Variants in PLK2 observed in about 807,000 individuals in gnomAD.
PLK2 encodes the protein polo like kinase 2, also known as serine/threonine-protein kinase PLK2.
Under a neutral mutation model 78.1 loss-of-function variants are expected in PLK2, and 25 were observed. The ratio of observed to expected loss-of-function variants is 0.32; its 90% confidence interval spans 0.23 to 0.45. The LOEUF (loss-of-function observed/expected upper bound fraction) is 0.45. PLK2 is among the 20% of genes least tolerant of loss of function. The pLI is 1.00. For missense variants in PLK2, 566 were observed against 840.2 expected, an observed-to-expected ratio of 0.67 and a Z score of 4.04; for synonymous variants, 332 against 298.2, an observed-to-expected ratio of 1.11 and a Z score of -1.17.
Position 58,459,900 on chromosome 5 carries a change from C to G in PLK2, c.60G>C (p.Gln20His), listed in dbSNP as rs763087072. The G allele has an allele frequency of 3.1e-6, 5 of 1,612,272 alleles. No homozygotes were observed. The highest frequency in any genetic ancestry group is 4.2e-6 in the Non-Finnish European group (5 of 1,179,716). The change falls in exon 1 of 14, where the codon CAG (glutamine) becomes CAC (histidine). Residue 20 changes from glutamine to histidine, a missense_variant. Physicochemically the swap from Gln to His is conservative, Grantham distance 24. Coordinates refer to ENST00000274289, the MANE Select transcript of PLK2 (RefSeq NM_006622.4). ...CCGCTCCGCAACCCTTGCCCAGCGCCTGCTCGCACATTTTGGTGCTGGCGG... is the reference window on the plus strand; with the variant it reads ...CCGCTCCGCAACCCTTGCCCAGCGCGTGCTCGCACATTTTGGTGCTGGCGG... ...QPAASTKMCE[Q>H]ALGKGCGADS...
intron 5 of PLK2, chr5:58,457,828 A>T (rs1013081694): frequency 1.0e-5 from 6 of 589,494 alleles, no homozygotes; most frequent in Non-Finnish European, 1.5e-5. Flanking sequence ...TTGTTAACCA[A>T]CTAAAGCCAG....
chr5:58,458,189 C>G lies in PLK2; in HGVS notation c.626-18G>C. 6.5e-7 allele frequency: 1 copy of G among 1,538,066 alleles called. No individual in the cohort carries two copies. The highest frequency in any genetic ancestry group is 1.1e-5 in the South Asian group (1 of 89,710). On this transcript the variant is annotated intron_variant, in intron 4 of 13. Coordinates refer to ENST00000274289, the MANE Select transcript of PLK2 (RefSeq NM_006622.4). ...AAAGTTCCCTAGACGATAAACAAAA[C>G]AAAATGTGAATCCCTTTGAAAATGC... is the stretch of plus-strand genomic sequence containing the variant.
At chr5:58,456,199 T>G in intron 9 of PLK2, 44 bp from the exon 10 acceptor site, 1 of 1,580,500 alleles carries the variant, frequency 6.3e-7, no homozygotes, top group Admixed American at 1.8e-5. Flanking sequence ...GCATCTAAAT[T>G]CATTTAAGGG....
Position 58,457,209 on chromosome 5 carries a change from T to G in PLK2, c.980A>C (p.Asp327Ala). ...CAAAAAAAAGTCATGTCGAATGATG[T>G]CATCCAAACTGGGACGATCCTCTGG... Reference protein sequence around the residue: ...KNPEDRPSLDDIIRHDFFLQG... With the variant: ...KNPEDRPSLDAIIRHDFFLQG... The change falls in exon 7 of 14, where the codon GAC (aspartate) becomes GCC (alanine). Residue 327 changes from aspartate to alanine, a missense_variant. Around this residue, in one of 5 missense-constraint regions of PLK2, gnomAD observed 179 missense variants for 342.3 expected, o/e 0.52. Coordinates refer to ENST00000274289, the MANE Select transcript of PLK2 (RefSeq NM_006622.4). The G allele has an allele frequency of 1.2e-6, 2 of 1,614,122 alleles. No homozygotes were observed. The highest frequency in any genetic ancestry group is 1.7e-6 in the Non-Finnish European group (2 of 1,180,014).
In PLK2 at chr5:58,458,432, C is replaced by T. The variant is rs1743667126; in HGVS notation, c.592G>A (p.Glu198Lys). Residue 198 changes from glutamate (E) to lysine (K), a missense_variant, in exon 4 of 14, where the codon GAA becomes AAA. Coordinates refer to ENST00000274289, the MANE Select transcript of PLK2 (RefSeq NM_006622.4). ...QIVSGLKYLHEQEILHRDLKL... is the reference protein window; with the variant it reads ...QIVSGLKYLHKQEILHRDLKL... ...AGATCTCTGTGCAAGATTTCTTGTT[C>T]ATGAAGGTATTTCAGTCCAGACACA... 1 of 1,613,828 alleles carries T rather than the reference C, an allele frequency of 6.2e-7. No individual in the cohort carries two copies. Among genetic ancestry groups the T allele is most frequent in the African/African-American group, 1.3e-5 (1 of 74,928 alleles).
Position 58,459,047 on chromosome 5 carries a change from T to C in PLK2, c.316A>G (p.Lys106Glu). Residue 106 changes from lysine (K) to glutamate (E), a missense_variant, in exon 2 of 14, where the codon AAA becomes GAA. Lys to Glu is a moderately conservative substitution (Grantham distance 56, BLOSUM62 1). Transcript: ENST00000274289. The stretch of plus-strand genomic sequence containing the variant: ...GGAATAATTTTTGCGGCGTAGACTT[T>C]GTTATTTGTCAAATCTGTCATCTCG... ...CYEMTDLTNN[K>E]VYAAKIIPHS... 6.2e-7 allele frequency: 1 copy of C among 1,613,234 alleles called. No homozygotes were observed. The highest frequency in any genetic ancestry group is 8.5e-7 in the Non-Finnish European group (1 of 1,179,182).
chr5:58,459,813 C>A lies in PLK2; in HGVS notation c.147G>T (p.Ala49=), dbSNP rs372182350. The A allele has an allele frequency of 6.2e-7, 1 of 1,609,346 alleles. No homozygotes were observed. The highest frequency in any genetic ancestry group is 8.5e-7 in the Non-Finnish European group (1 of 1,179,846). Reference sequence around the variant, plus strand: ...GGTGAGGGGCCGCCGGGGGCACTTGCGCCTGGGACTGAGGTGGCTGCGATT... The same window carrying A: ...GGTGAGGGGCCGCCGGGGGCACTTGAGCCTGGGACTGAGGTGGCTGCGATT... The part of the protein sequence containing the change: ...PEESQPPQSQ[A]QVPPAAPHHH... The change falls in exon 1 of 14, where the codon GCG becomes GCT. Residue 49 remains alanine, a synonymous_variant. Transcript: ENST00000274289.
intron 10 of PLK2, 87 bp from the exon 11 acceptor site, chr5:58,455,866 T>A: frequency 6.5e-7 from 1 of 1,530,902 alleles, no homozygotes; most frequent in Non-Finnish European, 8.9e-7. Flanking sequence ...TTTCACTCCA[T>A]TAATTCGAAA....
chr5:58,458,140 T>A lies in PLK2; in HGVS notation c.657A>T (p.Leu219=). The A allele has an allele frequency of 6.2e-7, 1 of 1,613,234 alleles. No homozygotes were observed. Among genetic ancestry groups the A allele is most frequent in the Non-Finnish European group, 8.5e-7 (1 of 1,179,230 alleles). ...GNFFINEAME[L]KVGDFGLAAR... The stretch of plus-strand genomic sequence containing the variant: ...CTGCCAGACCGAAGTCCCCAACTTT[T>A]AGTTCCATGGCTTCATTAATAAAAA... The change falls in exon 5 of 14, where the codon CTA becomes CTT. Residue 219 remains leucine, a synonymous_variant. Coordinates refer to ENST00000274289, the MANE Select transcript of PLK2 (RefSeq NM_006622.4).
At position 58,459,804 on chromosome 5, in the gene PLK2, G is replaced by A; in HGVS notation, c.156C>T (p.Pro52=). The change falls in exon 1 of 14, where the codon CCC becomes CCT. Residue 52 remains proline (P), a synonymous_variant. Transcript: ENST00000274289. ...GGTGATGGTGGTGAGGGGCCGCCGG[G>A]GGCACTTGCGCCTGGGACTGAGGTG... The part of the protein sequence containing the change: ...SQPPQSQAQV[P]PAAPHHHHHH... 1 of 1,609,144 alleles carries A rather than the reference G, an allele frequency of 6.2e-7. No homozygotes were observed.
chr5:58,456,620 T>C, intron 8 of PLK2, 31 bp from the exon 9 acceptor site: 1 of 1,294,608 alleles, frequency 7.7e-7, no homozygotes. Flanking sequence ...TTACAAACAT[T>C]AGTCTATCTT....
At position 58,457,102 on chromosome 5, in the gene PLK2, A is replaced by G. The variant is rs1743626842; in HGVS notation, c.1009-10T>C. 1.9e-6 allele frequency: 3 copies of G among 1,611,682 alleles called. No homozygotes were observed. The highest frequency in any genetic ancestry group is 1.3e-5 in the African/African-American group (1 of 74,618). On this transcript the variant is annotated splice_polypyrimidine_tract_variant and intron_variant, in intron 7 of 13. Transcript: ENST00000274289. ...TGTCCGGAGTGAAGCCCTGTGGAAT[A>G]TTAGAAAAAGCCTTCAGTAACCTGT...
In PLK2 at chr5:58,456,502, CTG is replaced by C. The variant is rs746881525; in HGVS notation, c.1242_1243del (p.His414GlnfsTer4). The C allele has an allele frequency of 6.2e-7, 1 of 1,602,584 alleles. No homozygotes were observed. Among genetic ancestry groups the C allele is most frequent in the Non-Finnish European group, 8.5e-7 (1 of 1,169,896 alleles). ...TCTTTCCCAACACACCTCATCTGTCCTGTGTTTGCTGGGTTGCTGAGTTATTG... is the reference window on the plus strand; with the variant it reads ...TCTTTCCCAACACACCTCATCTGTCCTGTTTGCTGGGTTGCTGAGTTATTG... On this transcript the variant is annotated frameshift_variant, in exon 9 of 14. Transcript: ENST00000274289. LOFTEE classifies it high-confidence loss of function.
rs201565227 is a variant in PLK2 at position 58,454,562 on chromosome 5, A to G, written c.*21T>C. On this transcript the variant is annotated 3_prime_UTR_variant, in exon 14 of 14. Coordinates refer to ENST00000274289, the MANE Select transcript of PLK2 (RefSeq NM_006622.4). ...TCACAGTGGAAAAGAGGAGTCCCAT[A>G]GGGTCCATTCGAAAAGTCTTTCAGT... The G allele has an allele frequency of 3.6e-5, 56 of 1,552,488 alleles. No homozygotes were observed. The East Asian group carries it at 1.2e-3, about 32-fold the overall frequency.
intron 13 of PLK2, 56 bp downstream of exon 13, chr5:58,454,855 G>T: frequency 6.8e-7 from 1 of 1,462,522 alleles, no homozygotes; most frequent in Non-Finnish European, 9.6e-7. Flanking sequence ...AACTGTCTAG[G>T]TACAAATCTT....
rs747430742 is a variant in PLK2 at position 58,454,981 on chromosome 5, C to T, written c.1796G>A (p.Arg599Gln). 2.5e-6 allele frequency: 4 copies of T among 1,612,692 alleles called. No individual in the cohort carries two copies. Among genetic ancestry groups the T allele is most frequent in the Non-Finnish European group, 3.4e-6 (4 of 1,178,778 alleles). The change falls in exon 13 of 14, where the codon CGG (arginine) becomes CAG (glutamine). Residue 599 changes from arginine to glutamine, a missense_variant. Physicochemically the swap from Arg to Gln is conservative, Grantham distance 43 (BLOSUM62 1). This residue lies in a region of PLK2 where 130 missense variants were observed against 196.4 expected (regional missense o/e 0.66). Transcript: ENST00000274289. Reference sequence around the variant, plus strand: ...TTTTAGCCACTGAAGGAGGTAGAGCCGAGGTCTTCGAATATCAGTAACACT... The same window carrying T: ...TTTTAGCCACTGAAGGAGGTAGAGCTGAGGTCTTCGAATATCAGTAACACT... ...LPSVTDIRRPRLYLLQWLKSD... is the reference protein window; with the variant it reads ...LPSVTDIRRPQLYLLQWLKSD...
rs939459186 is a variant in PLK2 at position 58,460,072 on chromosome 5, C to T, written c.-113G>A. 9.4e-6 allele frequency: 12 copies of T among 1,273,122 alleles called. No homozygotes were observed. The highest frequency in any genetic ancestry group is 1.2e-5 in the Non-Finnish European group (11 of 934,620). 78.9% of individuals were successfully genotyped at this position (1,273,122 alleles called of 1,614,324 possible). ...CTGGTGCCGACTAGCACCCAACACC[C>T]CGGTCCACTTGTGCGAGTGAGAGCG... On this transcript the variant is annotated 5_prime_UTR_variant, in exon 1 of 14. Transcript: ENST00000274289.
At chr5:58,458,353 A>C in intron 4 of PLK2, 46 bp downstream of exon 4, 1 of 1,600,872 alleles carries the variant, frequency 6.2e-7, no homozygotes, top group East Asian at 2.2e-5. Context: ...AGAGAGAGAA[A>C]AAAGAACTCT....
In PLK2 at chr5:58,455,375, A is replaced by G. The variant is rs1357500161; in HGVS notation, c.1665T>C (p.Val555=). The G allele has an allele frequency of 6.2e-7, 1 of 1,614,122 alleles. No homozygotes were observed. Among genetic ancestry groups the G allele is most frequent in the South Asian group, 1.1e-5 (1 of 91,082 alleles). The stretch of plus-strand genomic sequence containing the variant: ...GCTCAGGAGCATCTGTTGCTGGGAA[A>G]ACTGAGCATTGGCCAAGCTCTGCGT... The part of the protein sequence containing the change: ...HYYAELGQCS[V]FPATDAPEQF... Residue 555 remains valine, a synonymous_variant, in exon 12 of 14, where the codon GTT becomes GTC. Coordinates refer to ENST00000274289, the MANE Select transcript of PLK2 (RefSeq NM_006622.4).
Sources: allele counts gnomAD v4.1 joint callset, GRCh38; gene constraint gnomAD v4.1.1; regional missense constraint gnomAD v4.1.1; transcripts MANE v1.5; gene names NCBI Gene and HGNC (gene_info 2026-07-23, HGNC 2026-07-21).